VWA5B1: variants seen among roughly 807,000 people sequenced by gnomAD.
VWA5B1 encodes von Willebrand factor A domain containing 5B1, also known as von Willebrand factor A domain-containing protein 5B1.
VWA5B1 carries 115 observed loss-of-function variants against 118.2 expected under a neutral mutation model. The ratio of observed to expected loss-of-function variants is 0.97; its 90% CI spans 0.84 to 1.14. The LOEUF (loss-of-function observed/expected upper bound fraction) is 1.14. Ranked by LOEUF, VWA5B1 falls within the 50% of genes most tolerant of loss-of-function variation. The probability of loss-of-function intolerance (pLI) is 0.00; values close to 1 mark genes in which losing one functional copy is unlikely to be tolerated. For synonymous variants in VWA5B1, 682 were observed against 658.4 expected (o/e 1.04, Z -0.55); for missense variants, 1,596 against 1,603.8 (o/e 1.00, Z 0.08).
In VWA5B1 at chr1:20,348,149, G is replaced by GAA. The variant is rs1247249598; in HGVS notation, c.2765-95_2765-94insAA. The GAA allele has an allele frequency of 1.7e-5, 20 of 1,172,810 alleles. No individual in the cohort carries two copies. The East Asian group carries it at 4.4e-4, about 26-fold the overall frequency. The allele number at this position is 1,172,810 out of a possible 1,614,324, so 72.7% of individuals were successfully genotyped here. ...CCTTCCTGCCTTTGGATAATTGAAAGATTGAAGCCAGAATCATTCCTGTCA... is the reference window on the plus strand; with the variant it reads ...CCTTCCTGCCTTTGGATAATTGAAAGAAATTGAAGCCAGAATCATTCCTGTCA... On this transcript the variant is annotated intron_variant, in intron 17 of 21. Transcript: ENST00000289815.
chr1:20,318,004 C>A (rs1374723381), intron 5 of VWA5B1, among the ~76,000 whole-genome samples: 1 of 149,518 alleles, frequency 6.7e-6, no homozygotes, highest in Non-Finnish European at 1.5e-5. Flanking sequence ...ATATCAGAAG[C>A]ACCCAGAGAC....
chr1:20,353,880 A>C lies in VWA5B1; in HGVS notation c.3265A>C (p.Thr1089Pro), dbSNP rs1170924042. 5 of 1,545,522 alleles carry C rather than the reference A, an allele frequency of 3.2e-6. No individual in the cohort carries two copies. The highest frequency in any genetic ancestry group is 3.5e-6 in the Non-Finnish European group (4 of 1,143,588). The part of the protein sequence containing the change: ...PFTCHRVSLT[T>P]RPSESKTPSP... The stretch of plus-strand genomic sequence containing the variant: ...CACCTGCCATCGAGTGTCCCTCACC[A>C]CCCGCCCGTCTGAGTCCAAGACCCC... Residue 1089 changes from threonine (T) to proline (P), a missense_variant, in exon 22 of 22, where the codon ACC becomes CCC. Transcript: ENST00000289815.
In VWA5B1 at chr1:20,352,103, C is replaced by G; in HGVS notation, c.3072C>G (p.Phe1024Leu). ...SRLLTRAAKG[F>L]LSKPLIKAVE... ...TACTGACGCGAGCAGCCAAGGGCTT[C>G]CTGAGCAAGCCACTGATCAAAGCTG... is the stretch of plus-strand genomic sequence containing the variant. The change falls in exon 21 of 22, where the codon TTC becomes TTG. Residue 1024 changes from phenylalanine (F) to leucine (L), a missense_variant. Coordinates refer to ENST00000289815, the MANE Select transcript of VWA5B1 (RefSeq NM_001039500.3). 6.4e-7 allele frequency: 1 copy of G among 1,551,296 alleles called. No individual in the cohort carries two copies. The highest frequency in any genetic ancestry group is 1.2e-5 in the South Asian group (1 of 84,054).
At position 20,348,224 on chromosome 1, in the gene VWA5B1, T is replaced by G. The variant is rs560746811; in HGVS notation, c.2765-21T>G. 87 of 1,549,666 alleles carry G rather than the reference T, an allele frequency of 5.6e-5. 1 individual carries two copies. In the East Asian group the frequency reaches 1.8e-3, roughly 32 times the overall value. On this transcript the variant is annotated intron_variant, in intron 17 of 21. Transcript: ENST00000289815. ...GGCACATTTGTACCCAACCACCCGC[T>G]TCCCCTTGTCTTCCGCGAAGGAGCT...
rs573351996 is a variant in VWA5B1, at chr1:20,345,444, C to A, written c.2627-12C>A. The A allele has an allele frequency of 6.4e-7, 1 of 1,550,816 alleles. No homozygotes were observed. Among genetic ancestry groups the A allele is most frequent in the African/African-American group, 1.4e-5 (1 of 73,158 alleles). The stretch of plus-strand genomic sequence containing the variant: ...TGAGTCCAAACAGTGACCCCAGTTT[C>A]TCCCTCCACAGGGTCCAACCGCCGC... On this transcript the variant is annotated splice_polypyrimidine_tract_variant and intron_variant, in intron 16 of 21. Transcript: ENST00000289815.
At chr1:20,312,249 G>A (rs1172436308) in intron 2 of VWA5B1, among the ~76,000 whole-genome samples, 2 of 152,190 alleles carry the variant, frequency 1.3e-5, no homozygotes, top group East Asian at 1.9e-4. Flanking sequence ...CGTGAGCTTC[G>A]AAAGTTTGAG....
At chr1:20,323,311 C>T (rs2089278364) in intron 7 of VWA5B1, 45 bp from the exon 8 acceptor site, 1 of 1,406,086 alleles carries the variant, frequency 7.1e-7, no homozygotes, top group Non-Finnish European at 9.3e-7. Flanking sequence ...CCAGGAGTAC[C>T]TCTTGACCCT....
At chr1:20,319,285 C>A in intron 6 of VWA5B1, 97 bp from the exon 7 acceptor site, 3 of 1,493,192 alleles carry the variant, frequency 2.0e-6, no homozygotes, top group Non-Finnish European at 2.7e-6. Flanking sequence ...AAATGGGAGT[C>A]CCACCCCTGT....
At position 20,292,541 on chromosome 1, in the gene VWA5B1, C is replaced by T. The variant is rs184885255; in HGVS notation, c.-27+1453C>T. Reference sequence around the variant, plus strand: ...GAACTACATGAGTTGGTAAGTGGGTCTGTGTGTGTATATAAATGTGTTTAC... The same window carrying T: ...GAACTACATGAGTTGGTAAGTGGGTTTGTGTGTGTATATAAATGTGTTTAC... On this transcript the variant is annotated intron_variant, in intron 1 of 21. Transcript: ENST00000289815. 3.0e-4 allele frequency among the ~76,000 whole-genome samples: 46 copies of T among 152,262 alleles called. No individual in the cohort carries two copies. In the East Asian group the frequency reaches 8.7e-3, roughly 29 times the overall value.
Position 20,318,622 on chromosome 1 carries a change from G to T in VWA5B1, c.742G>T (p.Asp248Tyr). 6.4e-7 allele frequency: 1 copy of T among 1,551,108 alleles called. No homozygotes were observed. The highest frequency in any genetic ancestry group is 8.7e-7 in the Non-Finnish European group (1 of 1,146,758). ...GAGTCCCACTCATGAGATTCGTGCC[G>T]ACGCCGCCCCATCTGCCCGCTCGGC... ...VESPTHEIRA[D>Y]AAPSARSAKS... The change falls in exon 6 of 22, where the codon GAC becomes TAC. Residue 248 changes from aspartate (D) to tyrosine (Y), a missense_variant. By Grantham distance (160) the Asp-to-Tyr change is radical. Transcript: ENST00000289815.
rs1200291429 is a variant in VWA5B1 at position 20,314,479 on chromosome 1, G to A, written c.450G>A (p.Glu150=). The change falls in exon 4 of 22, where the codon GAG becomes GAA. Residue 150 remains glutamate (E), a synonymous_variant. Coordinates refer to ENST00000289815, the MANE Select transcript of VWA5B1 (RefSeq NM_001039500.3). ...CCATCTTCATCAGCACCTCCTCGGA[G>A]CTCCCAACGCTGCCCAGCGGGGCTG... The part of the protein sequence containing the change: ...NVTIFISTSS[E]LPTLPSGAVR... 3.2e-6 allele frequency: 5 copies of A among 1,551,628 alleles called. No individual in the cohort carries two copies. Among genetic ancestry groups the A allele is most frequent in the East Asian group, 4.9e-5 (2 of 40,918 alleles).
rs1015361385 is a variant in VWA5B1, at chr1:20,323,461, G to A, written c.1072G>A (p.Ala358Thr). 1 of 1,535,472 alleles carries A rather than the reference G, an allele frequency of 6.5e-7. No individual in the cohort carries two copies. The highest frequency in any genetic ancestry group is 2.1e-5 in the Admixed American group (1 of 48,534). ...GTCAGTCCAGCCGTGCCTGAGAAAG[G>A]CCCACGGGGAGTTCATCTTCCTCAT... ...LQSVQPCLRK[A>T]HGEFIFLIDR... Residue 358 changes from alanine to threonine, a missense_variant, in exon 8 of 22, where the codon GCC becomes ACC. Coordinates refer to ENST00000289815, the MANE Select transcript of VWA5B1 (RefSeq NM_001039500.3).
At position 20,343,300 on chromosome 1, in the gene VWA5B1, G is replaced by C. The variant is rs890366874; in HGVS notation, c.2533G>C (p.Asp845His). 4 of 1,547,106 alleles carry C rather than the reference G, an allele frequency of 2.6e-6. No homozygotes were observed. Among genetic ancestry groups the C allele is most frequent in the Non-Finnish European group, 3.5e-6 (4 of 1,146,634 alleles). ...GGAGCGGGGCGGCGCGCAGGATGCC[G>C]ACCTATGGAGCGAGACCTTCCACCA... ...GPERGGAQDADLWSETFHHLA... is the reference protein window; with the variant it reads ...GPERGGAQDAHLWSETFHHLA... The change falls in exon 16 of 22, where the codon GAC becomes CAC. Residue 845 changes from aspartate (D) to histidine (H), a missense_variant. Physicochemically the swap from Asp to His is moderately conservative, Grantham distance 81 (BLOSUM62 -1). Coordinates refer to ENST00000289815, the MANE Select transcript of VWA5B1 (RefSeq NM_001039500.3).
chr1:20,353,830 A>G lies in VWA5B1; in HGVS notation c.3215A>G (p.Glu1072Gly). ...AFCEATHIPM[E>G]KLKWTSPFTC... Reference sequence around the variant, plus strand: ...TGTGAGGCCACGCACATCCCCATGGAGAAGCTCAAGTGGACGTCCCCCTTC... The same window carrying G: ...TGTGAGGCCACGCACATCCCCATGGGGAAGCTCAAGTGGACGTCCCCCTTC... Residue 1072 changes from glutamate (E) to glycine (G), a missense_variant, in exon 22 of 22, where the codon GAG becomes GGG. Coordinates refer to ENST00000289815, the MANE Select transcript of VWA5B1 (RefSeq NM_001039500.3). 2.0e-6 allele frequency: 3 copies of G among 1,520,084 alleles called. No homozygotes were observed. The highest frequency in any genetic ancestry group is 2.7e-6 in the Non-Finnish European group (3 of 1,131,816). The allele number at this position is 1,520,084 out of a possible 1,614,324, so 94.2% of individuals were successfully genotyped here.
At chr1:20,344,196 C>A (rs1172221413) in intron 16 of VWA5B1, among the ~76,000 whole-genome samples, 1 of 151,636 alleles carries the variant, frequency 6.6e-6, no homozygotes, top group Admixed American at 6.6e-5. Context: ...CATTCAGTGA[C>A]CCGTCCTCTT....
chr1:20,357,062 G>A lies in VWA5B1; in HGVS notation c.*2799G>A, dbSNP rs762525009. On this transcript the variant is annotated 3_prime_UTR_variant, in exon 22 of 22. Coordinates refer to ENST00000289815, the MANE Select transcript of VWA5B1 (RefSeq NM_001039500.3). ...GGTTTAACTTGCTAAACCAGCCCTTGCTTTCTAGGTCATACAAAGGAATAT... is the reference window on the plus strand; with the variant it reads ...GGTTTAACTTGCTAAACCAGCCCTTACTTTCTAGGTCATACAAAGGAATAT... Among the ~76,000 whole-genome samples the A allele has an allele frequency of 2.0e-5, 3 of 152,186 alleles. No homozygotes were observed. The highest frequency in any genetic ancestry group is 7.2e-5 in the African/African-American group (3 of 41,434).
intron 14 of VWA5B1, among the ~76,000 whole-genome samples, chr1:20,339,407 T>C (rs2089815323): frequency 6.6e-6 from 1 of 152,080 alleles, no homozygotes; most frequent in Non-Finnish European, 1.5e-5. Flanking sequence ...CCGGGTGTGG[T>C]GGCACATGCC....
At chr1:20,350,760 C>T in intron 19 of VWA5B1, 97 bp from the exon 20 acceptor site, 1 of 1,180,408 alleles carries the variant, frequency 8.5e-7, no homozygotes, top group Non-Finnish European at 1.2e-6. Flanking sequence ...TAGCTAAGCA[C>T]CTGCCCCTCT....
At chr1:20,329,524 G>A (rs1272234389) in intron 9 of VWA5B1, among the ~76,000 whole-genome samples, 3 of 151,978 alleles carry the variant, frequency 2.0e-5, no homozygotes, top group Admixed American at 1.3e-4. Flanking sequence ...GGCCAGGCTG[G>A]TCTCGAATTC....
Sources: allele counts gnomAD v4.1 joint callset (sites outside exome capture counted in the v4.1 genomes callset), GRCh38; gene constraint gnomAD v4.1.1; transcripts MANE v1.5; gene names NCBI Gene and HGNC (gene_info 2026-07-23, HGNC 2026-07-21).